HDAC9: variants seen among roughly 807,000 people sequenced by gnomAD.
HDAC9 encodes MEF-2 interacting transcription repressor (MITR) protein.
In HDAC9, 41 loss-of-function variants were observed where a neutral mutation model predicts 139.4. The observed-to-expected ratio is 0.29, with a 90% CI of 0.23 to 0.38. The LOEUF is 0.38. HDAC9 is among the 10% of genes least tolerant of loss of function. The pLI, the probability that HDAC9 is intolerant of heterozygous loss-of-function variation, is 1.00. For missense variants in HDAC9, 1,147 were observed against 1,297.0 expected (o/e 0.88, Z 1.78); for synonymous variants, 517 against 476.2 (o/e 1.09, Z -1.12).
At chr7:18,295,469 T>C (rs1004176458) in intron 1 of HDAC9, among the ~76,000 whole-genome samples, 1 of 152,170 alleles carries the variant, frequency 6.6e-6, no homozygotes, top group African/African-American at 2.4e-5. Flanking sequence ...TAATCAGTTT[T>C]ACTGTTGACT....
intron 2 of HDAC9, among the ~76,000 whole-genome samples, chr7:18,251,836 C>T (rs1460564350): frequency 6.6e-6 from 1 of 151,988 alleles, no homozygotes. Context: ...TACATATTTC[C>T]CAATTCTGCA....
At chr7:18,881,179 A>G (rs1799711520) in intron 22 of HDAC9, among the ~76,000 whole-genome samples, 1 of 152,164 alleles carries the variant, frequency 6.6e-6, no homozygotes, top group Non-Finnish European at 1.5e-5. Context: ...TCTGCTAACA[A>G]TGCGTGTACA....
At chr7:18,950,845 A>T (rs1782743148) in intron 23 of HDAC9, among the ~76,000 whole-genome samples, 1 of 152,050 alleles carries the variant, frequency 6.6e-6, no homozygotes, top group South Asian at 2.1e-4. Context: ...AAATATTAAA[A>T]TACTTGGCAT....
At position 18,747,998 on chromosome 7, in the gene HDAC9, T is replaced by C. The variant is rs963852733; in HGVS notation, c.1910-1007T>C. On this transcript the variant is annotated intron_variant, in intron 13 of 25. Transcript: ENST00000686413. Reference sequence around the variant, plus strand: ...GTTGTTGTTGTAAAACTTCTTATAATGGGTGTTCTCCCCATCTACAAATAT... The same window carrying C: ...GTTGTTGTTGTAAAACTTCTTATAACGGGTGTTCTCCCCATCTACAAATAT... Among the ~76,000 whole-genome samples, 12 of 152,352 alleles carry C rather than the reference T, an allele frequency of 7.9e-5. No homozygotes were observed. The East Asian group carries it at 2.3e-3, about 29-fold the overall frequency.
At chr7:18,693,341 A>G (rs1209667573) in intron 12 of HDAC9, among the ~76,000 whole-genome samples, 1 of 152,184 alleles carries the variant, frequency 6.6e-6, no homozygotes, top group African/African-American at 2.4e-5. Flanking sequence ...GAATTCTTTA[A>G]TTATTAGATA....
chr7:18,639,562 T>C (rs1349996129), intron 8 of HDAC9, among the ~76,000 whole-genome samples: 3 of 152,252 alleles, frequency 2.0e-5, no homozygotes, highest in East Asian at 3.9e-4. Flanking sequence ...AGATTTCTAC[T>C]GCTTCAACAA....
intron 22 of HDAC9, among the ~76,000 whole-genome samples, chr7:18,894,603 T>C (rs567501753): frequency 2.4e-4 from 37 of 152,220 alleles, no homozygotes; most frequent in African/African-American, 7.9e-4. Context: ...ACTGCACATA[T>C]AGACTGCTGC....
chr7:18,383,894 C>CA lies in HDAC9; in HGVS notation c.-42+93394dup, dbSNP rs879521627. Among the ~76,000 whole-genome samples, 888 of 92,970 alleles carry CA rather than the reference C, an allele frequency of 9.6e-3. 3 individuals are homozygous for CA. Among genetic ancestry groups the CA allele is most frequent in the Middle Eastern group, 0.02 (3 of 148 alleles). The allele number at this position is 92,970 out of a possible 152,430, so 61.0% of individuals were successfully genotyped here. A position where few individuals can be genotyped will look rare whatever the true frequency, so the allele number is the denominator to read the frequency against. On this transcript the variant is annotated intron_variant, in intron 1 of 3. Transcript: ENST00000413509. ...ACAGAGCGAGACTCTGACTCCGTCT[C>CA]AAAAAAAAAAAAAAAGAAAGAACTG...
chr7:18,550,675 C>T lies in HDAC9; in HGVS notation c.23-34606C>T, dbSNP rs76689060. On this transcript the variant is annotated intron_variant, in intron 2 of 25. Coordinates refer to ENST00000686413, the MANE Select transcript of HDAC9 (RefSeq NM_178425.4). ...GAATTTTGCCATAAATTGATCTGAG[C>T]GATGCATTTTCTGATCACTAAGAAT... Among the ~76,000 whole-genome samples, 33 of 152,146 alleles carry T rather than the reference C, an allele frequency of 2.2e-4. 1 individual carries two copies. In the East Asian group the frequency reaches 6.0e-3, roughly 28 times the overall value.
chr7:18,361,778 A>G (rs773288672), intron 1 of HDAC9, among the ~76,000 whole-genome samples: 3 of 152,074 alleles, frequency 2.0e-5, no homozygotes, highest in Non-Finnish European at 4.4e-5. Flanking sequence ...AGTCCACAAA[A>G]CACTTTAATG....
chr7:18,634,887 T>A, intron 8 of HDAC9, 145 bp downstream of exon 8: 1 of 547,708 alleles, frequency 1.8e-6, no homozygotes, highest in Non-Finnish European at 3.3e-6. Flanking sequence ...TGTAAACCAA[T>A]TGAAAAAAAT....
intron 1 of HDAC9, among the ~76,000 whole-genome samples, chr7:18,293,325 T>C (rs528026005): frequency 3.3e-5 from 5 of 151,726 alleles, no homozygotes; most frequent in Non-Finnish European, 2.9e-5. Context: ...TTTTTTATTA[T>C]ACTTTAAGTT....
intron 1 of HDAC9, among the ~76,000 whole-genome samples, chr7:18,333,329 A>C (rs939236681): frequency 2.6e-5 from 4 of 151,576 alleles, no homozygotes; most frequent in African/African-American, 9.6e-5. Flanking sequence ...TAATTAAGAG[A>C]TCTCATGTAC....
In HDAC9 at chr7:18,750,055, T is replaced by A. The variant is rs539602292; in HGVS notation, c.2043+917T>A. Among the ~76,000 whole-genome samples, 7 of 152,282 alleles carry A rather than the reference T, an allele frequency of 4.6e-5. No homozygotes were observed. In the South Asian group the frequency reaches 1.5e-3, roughly 32 times the overall value. On this transcript the variant is annotated intron_variant, in intron 14 of 25. Coordinates refer to ENST00000686413, the MANE Select transcript of HDAC9 (RefSeq NM_178425.4). Reference sequence around the variant, plus strand: ...ATTCCTATTCAAATTCAACTTAGGTTTAAACTGAGTCTGTAAAATATTTTA... The same window carrying A: ...ATTCCTATTCAAATTCAACTTAGGTATAAACTGAGTCTGTAAAATATTTTA...
rs150321669 is a variant in HDAC9 at position 18,251,061 on chromosome 7, G to T, written c.25+88712G>T. 2.1e-3 allele frequency among the ~76,000 whole-genome samples: 318 copies of T among 152,162 alleles called. 1 individual carries two copies. Among genetic ancestry groups the T allele is most frequent in the African/African-American group, 7.2e-3 (299 of 41,534 alleles). On this transcript the variant is annotated intron_variant, in intron 2 of 12. Coordinates refer to the HDAC9 transcript ENST00000417496. ...ATTATAAAAATACATGCACATGTAT[G>T]GTCATTGCAGCACTATTCACAATAG...
intron 2 of HDAC9, among the ~76,000 whole-genome samples, chr7:18,265,934 C>A (rs150283255): frequency 6.6e-6 from 1 of 152,038 alleles, no homozygotes; most frequent in African/African-American, 2.4e-5. Flanking sequence ...AATACCACAC[C>A]GAAACTTCAA....
intron 17 of HDAC9, among the ~76,000 whole-genome samples, chr7:18,794,573 G>T (rs1792616343): frequency 6.6e-6 from 1 of 152,176 alleles, no homozygotes; most frequent in Admixed American, 6.5e-5. Flanking sequence ...TTAGGACATT[G>T]CTCATCTCAG....
chr7:18,197,353 G>A (rs192198142), intron 2 of HDAC9, among the ~76,000 whole-genome samples: 2 of 152,246 alleles, frequency 1.3e-5, no homozygotes, highest in Non-Finnish European at 2.9e-5. Context: ...CTTAGGAATG[G>A]GAATGGAGAA....
intron 1 of HDAC9, among the ~76,000 whole-genome samples, chr7:18,422,742 GCGCACACA>G (rs1270755417): frequency 0.017 from 2,296 of 136,116 alleles, 20 homozygotes; most frequent in Middle Eastern, 0.021. Flanking sequence ...ACACACACAC[GCGCACACA>G]CACACACACA....
Sources: gnomAD v4.1 joint callset for allele counts (sites outside exome capture counted in the v4.1 genomes callset) on GRCh38, gnomAD v4.1.1 for gene constraint, MANE v1.5 for transcripts, NCBI Gene and HGNC (gene_info 2026-07-23, HGNC 2026-07-21) for gene names.